C16orf46: variants seen among roughly 807,000 people sequenced by gnomAD.
C16orf46 encodes the protein uncharacterized protein C16orf46.
In C16orf46, 7 loss-of-function variants were observed where a neutral mutation model predicts 5.5. The observed-to-expected ratio is 1.28, with a 90% CI of 0.73 to 2.40. The LOEUF (loss-of-function observed/expected upper bound fraction) is 2.40. Among genes scored for constraint, C16orf46 ranks in the 30% most tolerant of loss-of-function variants. C16orf46 has a pLI of 0.00. For missense variants in C16orf46, 614 were observed against 476.0 expected (o/e 1.29, Z -2.70); for synonymous variants, 200 against 184.1 (o/e 1.09, Z -0.70).
At chr16:81,057,675 G>GGTAGTT (rs1555526067), downstream of C16orf46, among the ~76,000 whole-genome samples, 1 of 151,364 alleles carries the variant, frequency 6.6e-6, no homozygotes, top group African/African-American at 2.4e-5. Context: ...AGTTCATTTA[G>GGTAGTT]GTTGTTGTTG....
At chr16:81,054,059 C>A (rs1008203400) in exon 4 of C16orf46, 1 of 1,610,690 alleles carries the variant, frequency 6.2e-7, no homozygotes, top group Middle Eastern at 1.7e-4. Flanking sequence ...GAATGTGAAA[C>A]TGATCCCTCT....
chr16:81,059,791 G>T (rs1037375479), downstream of C16orf46, among the ~76,000 whole-genome samples: 7 of 148,234 alleles, frequency 4.7e-5, no homozygotes, highest in Admixed American at 2.7e-4. Context: ...TTCCCAAAAA[G>T]ATTTTTTTTT....
At chr16:81,076,002 T>A (rs1429921822) in intron 1 of C16orf46, among the ~76,000 whole-genome samples, 2 of 152,220 alleles carry the variant, frequency 1.3e-5, no homozygotes, top group African/African-American at 2.4e-5. Flanking sequence ...GCTATAGGTT[T>A]AAAGGAATCT....
intron 1 of C16orf46, among the ~76,000 whole-genome samples, chr16:81,075,093 T>C (rs1214430870): frequency 6.6e-6 from 1 of 152,212 alleles, no homozygotes; most frequent in Non-Finnish European, 1.5e-5. Context: ...CATTTGCTAA[T>C]TATTCAACTA....
At chr16:81,054,146 GA>G in intron 3 of C16orf46, 1 of 1,559,724 alleles carries the variant, frequency 6.4e-7, no homozygotes. Flanking sequence ...ATGCTGCAAT[GA>G]AAATGTGGCA....
chr16:81,068,796 G>A (rs963245420), intron 1 of C16orf46, among the ~76,000 whole-genome samples: 15 of 152,006 alleles, frequency 9.9e-5, no homozygotes, highest in African/African-American at 3.4e-4. Context: ...CCGCCTCCTG[G>A]GTTCAAGTGA....
downstream of C16orf46, chr16:81,060,884 C>T (rs1971440822): frequency 1.2e-6 from 1 of 863,632 alleles, no homozygotes; most frequent in Non-Finnish European, 1.5e-6. Flanking sequence ...GAGGCTGGGG[C>T]TGGCAAGACC....
chr16:81,054,917 G>A (rs1971252775), intron 3 of C16orf46, among the ~76,000 whole-genome samples: 1 of 152,136 alleles, frequency 6.6e-6, no homozygotes, highest in African/African-American at 2.4e-5. Context: ...CAATGTGCTG[G>A]GATTACAGGT....
chr16:81,070,499 T>C (rs1034138144), intron 1 of C16orf46, among the ~76,000 whole-genome samples: 5 of 152,204 alleles, frequency 3.3e-5, no homozygotes, highest in African/African-American at 1.2e-4. Context: ...CCCCCAAACA[T>C]GGCCAATAGT....
Position 81,061,905 on chromosome 16 carries a change from G to A in C16orf46, c.444C>T (p.Ser148=), listed in dbSNP as rs930992894. The A allele has an allele frequency of 8.1e-6, 13 of 1,614,058 alleles. No homozygotes were observed. Among genetic ancestry groups the A allele is most frequent in the East Asian group, 2.2e-5 (1 of 44,896 alleles). The change falls in exon 4 of 4, where the codon AGC becomes AGT. Residue 148 remains serine (S), a synonymous_variant. Coordinates refer to ENST00000299578, the MANE Select transcript of C16orf46 (RefSeq NM_152337.3). Reference sequence around the variant, plus strand: ...GAAAGTAGGTGGGAAAGCAGATGTCGCTAATTGCCCTGGAAGCAGTGCTGG... The same window carrying A: ...GAAAGTAGGTGGGAAAGCAGATGTCACTAATTGCCCTGGAAGCAGTGCTGG... ...QGPSTASRAI[S]DICFPTYFRA... is the part of the protein sequence containing the mutation.
At chr16:81,058,060 A>AAACC (rs1567571064), downstream of C16orf46, 50 of 171,400 alleles carry the variant, frequency 2.9e-4, 1 homozygote, top group East Asian at 2.7e-3. Context: ...AAAACAAAAC[A>AAACC]AAACCTGAAA....
At chr16:81,066,055 C>T (rs914302755) in intron 2 of C16orf46, 138 bp downstream of exon 2, 3 of 151,526 alleles carry the variant, frequency 2.0e-5, no homozygotes, top group Admixed American at 2.0e-4. Flanking sequence ...CTGGCCAACA[C>T]TACATTTTTA....
At chr16:81,056,626 A>G (rs55648346), downstream of C16orf46, among the ~76,000 whole-genome samples, 11,030 of 144,372 alleles carry the variant, frequency 0.076, 1,330 homozygotes, top group African/African-American at 0.26. Flanking sequence ...AATCCGGGAG[A>G]GGGAGGTTGC....
intron 3 of C16orf46, among the ~76,000 whole-genome samples, chr16:81,054,795 C>T (rs746293437): frequency 7.9e-5 from 12 of 151,804 alleles, no homozygotes; most frequent in African/African-American, 1.2e-4. Flanking sequence ...ATTACAGGCA[C>T]GCACCACCAC....
At chr16:81,054,302 A>G (rs1316126376) in intron 3 of C16orf46, among the ~76,000 whole-genome samples, 1 of 152,034 alleles carries the variant, frequency 6.6e-6, no homozygotes, top group Non-Finnish European at 1.5e-5. Flanking sequence ...AACAAAAATA[A>G]AAAACTTTTT....
chr16:81,067,580 A>G (rs1971689162), intron 1 of C16orf46, among the ~76,000 whole-genome samples: 1 of 151,972 alleles, frequency 6.6e-6, no homozygotes, highest in Non-Finnish European at 1.5e-5. Flanking sequence ...GTTTTGAGAC[A>G]CTCGCTCTGT....
rs770924767 is a variant in C16orf46, at chr16:81,062,059, C to A, written c.290G>T (p.Gly97Val). The A allele has an allele frequency of 3.1e-6, 5 of 1,612,566 alleles. No individual in the cohort carries two copies. In the East Asian group the frequency reaches 8.9e-5, roughly 29 times the overall value. Reference protein sequence around the residue: ...KIPKKARVGEGACSDCLVCVN... With the variant: ...KIPKKARVGEVACSDCLVCVN... Reference sequence around the variant, plus strand: ...ACACACCAAGCAGTCGCTGCAGGCACCTTCCCCTACCCTCGCCTTTTTTGG... The same window carrying A: ...ACACACCAAGCAGTCGCTGCAGGCAACTTCCCCTACCCTCGCCTTTTTTGG... The change falls in exon 4 of 4, where the codon GGT becomes GTT. Residue 97 changes from glycine to valine, a missense_variant. Gly to Val is a moderately radical substitution (Grantham distance 109, BLOSUM62 -3). Coordinates refer to ENST00000299578, the MANE Select transcript of C16orf46 (RefSeq NM_152337.3).
chr16:81,059,978 T>C (rs988687809), downstream of C16orf46, among the ~76,000 whole-genome samples: 8 of 151,292 alleles, frequency 5.3e-5, no homozygotes, highest in East Asian at 2.0e-4. Context: ...TTAGTAGAGA[T>C]AGGGTTTCAC....
chr16:81,061,885 T>C lies in C16orf46; in HGVS notation c.464A>G (p.Tyr155Cys), dbSNP rs1321957485. 4 of 1,614,148 alleles carry C rather than the reference T, an allele frequency of 2.5e-6. No individual in the cohort carries two copies. Among genetic ancestry groups the C allele is most frequent in the African/African-American group, 2.7e-5 (2 of 75,040 alleles). Reference sequence around the variant, plus strand: ...CAGACTTTTTTTCTCTGCTCGAAAGTAGGTGGGAAAGCAGATGTCGCTAAT... The same window carrying C: ...CAGACTTTTTTTCTCTGCTCGAAAGCAGGTGGGAAAGCAGATGTCGCTAAT... The part of the protein sequence containing the change: ...RAISDICFPT[Y>C]FRAEKKSLQI... Residue 155 changes from tyrosine to cysteine, a missense_variant, in exon 4 of 4, where the codon TAC (tyrosine) becomes TGC (cysteine). Tyr to Cys is a radical substitution (Grantham distance 194). Transcript: ENST00000299578.
Sources: gnomAD v4.1 joint callset for allele counts (sites outside exome capture counted in the v4.1 genomes callset) on GRCh38, gnomAD v4.1.1 for gene constraint, MANE v1.5 for transcripts, NCBI Gene and HGNC (gene_info 2026-07-23, HGNC 2026-07-21) for gene names.